Variants in RALYL observed in about 807,000 individuals in gnomAD.
RALYL encodes RNA-binding Raly-like protein.
A neutral mutation model predicts 35.1 loss-of-function variants in RALYL; 29 were observed. That is an observed-to-expected ratio of 0.83 (90% confidence interval 0.61 to 1.13). The LOEUF is 1.13. Among genes scored for constraint, RALYL ranks in the 50% most tolerant of loss-of-function variants. The probability of loss-of-function intolerance (pLI) is 0.00; values close to 1 mark genes in which losing one functional copy is unlikely to be tolerated. For missense variants in RALYL, 359 were observed against 360.4 expected (o/e 1.00, Z 0.03); for synonymous variants, 120 against 127.6 (o/e 0.94, Z 0.40).
intron 2 of RALYL, among the ~76,000 whole-genome samples, chr8:84,686,314 G>A (rs1836766165): frequency 6.6e-6 from 1 of 152,158 alleles, no homozygotes; most frequent in Non-Finnish European, 1.5e-5. Flanking sequence ...GAAACAACAT[G>A]CATAGAGGGG....
chr8:84,911,628 C>G (rs1847528492), intron 8 of RALYL, among the ~76,000 whole-genome samples: 1 of 152,046 alleles, frequency 6.6e-6, no homozygotes, highest in Non-Finnish European at 1.5e-5. Flanking sequence ...CTGGAGATAG[C>G]ATCCGAACCC....
intron 2 of RALYL, among the ~76,000 whole-genome samples, chr8:84,551,220 T>G (rs573967878): frequency 6.6e-6 from 1 of 152,242 alleles, no homozygotes; most frequent in East Asian, 1.9e-4. Context: ...CTGGAATCAG[T>G]CTTTTAAAGT....
intron 2 of RALYL, among the ~76,000 whole-genome samples, chr8:84,637,155 T>C (rs562308275): frequency 9.9e-5 from 15 of 152,072 alleles, no homozygotes; most frequent in Admixed American, 2.0e-4. Context: ...GATTCTAGCA[T>C]GTGAGAGAGA....
intron 1 of RALYL, among the ~76,000 whole-genome samples, chr8:84,517,848 C>G (rs1380864066): frequency 1.3e-5 from 2 of 152,094 alleles, no homozygotes; most frequent in African/African-American, 4.8e-5. Flanking sequence ...CTTAGTGCAT[C>G]TCATTTAAAT....
intron 1 of RALYL, among the ~76,000 whole-genome samples, chr8:84,221,877 T>C (rs972468779): frequency 1.5e-4 from 23 of 152,266 alleles, no homozygotes; most frequent in African/African-American, 5.3e-4. Context: ...TAGAGTCTGC[T>C]AGTCTAATTT....
intron 6 of RALYL, among the ~76,000 whole-genome samples, chr8:84,867,102 G>A (rs1010068413): frequency 2.0e-5 from 3 of 152,136 alleles, no homozygotes; most frequent in Non-Finnish European, 2.9e-5. Context: ...AAGGATCTGT[G>A]TCAGTCCTCT....
chr8:84,326,306 G>GTC (rs145666403), intron 1 of RALYL, among the ~76,000 whole-genome samples: 3,086 of 152,156 alleles, frequency 0.02, 111 homozygotes, highest in African/African-American at 0.07. Flanking sequence ...TAGATAATAT[G>GTC]TCTCTTATGG....
At chr8:84,902,049 T>C (rs562748724) in intron 8 of RALYL, among the ~76,000 whole-genome samples, 1 of 152,256 alleles carries the variant, frequency 6.6e-6, no homozygotes, top group Non-Finnish European at 1.5e-5. Flanking sequence ...ATCCAGAGGT[T>C]ATTTGACTCA....
chr8:84,670,538 G>A (rs1245367689), intron 2 of RALYL, among the ~76,000 whole-genome samples: 1 of 152,188 alleles, frequency 6.6e-6, no homozygotes, highest in Non-Finnish European at 1.5e-5. Context: ...AGAAAAAGAG[G>A]TTTAATGGAC....
At chr8:84,539,057 A>C (rs2059813312) in intron 2 of RALYL, among the ~76,000 whole-genome samples, 1 of 152,198 alleles carries the variant, frequency 6.6e-6, no homozygotes, top group Admixed American at 6.5e-5. Flanking sequence ...CAAAACACAG[A>C]ATTGAAATAT....
At chr8:84,330,051 G>T (rs1846529354) in intron 1 of RALYL, among the ~76,000 whole-genome samples, 1 of 151,598 alleles carries the variant, frequency 6.6e-6, no homozygotes, top group African/African-American at 2.4e-5. Flanking sequence ...ATAAAAATGT[G>T]TATCTCAATT....
At chr8:84,324,568 T>G (rs185497889) in intron 1 of RALYL, among the ~76,000 whole-genome samples, 212 of 152,150 alleles carry the variant, frequency 1.4e-3, no homozygotes, top group African/African-American at 4.7e-3. Flanking sequence ...AGTTCCCTGT[T>G]TATATTTTTT....
At chr8:84,187,868 C>T (rs920756816) in intron 1 of RALYL, among the ~76,000 whole-genome samples, 1 of 151,896 alleles carries the variant, frequency 6.6e-6, no homozygotes, top group African/African-American at 2.4e-5. Context: ...AAAGTGTGGT[C>T]ATGTTTTGTT....
chr8:84,556,870 C>G (rs1588161303), intron 2 of RALYL, among the ~76,000 whole-genome samples: 1 of 152,194 alleles, frequency 6.6e-6, no homozygotes, highest in East Asian at 1.9e-4. Context: ...CGACCAAAGC[C>G]TGAAACAGAG....
At chr8:84,656,493 A>G (rs1011778999) in intron 2 of RALYL, among the ~76,000 whole-genome samples, 1 of 152,172 alleles carries the variant, frequency 6.6e-6, no homozygotes, top group Non-Finnish European at 1.5e-5. Context: ...TTCACACCTT[A>G]TGAGATGAGA....
intron 1 of RALYL, among the ~76,000 whole-genome samples, chr8:84,452,233 CT>C (rs35835472): frequency 1.1e-3 from 162 of 144,146 alleles, no homozygotes; most frequent in Admixed American, 1.3e-3. Context: ...GTTGATACTA[CT>C]TTTTTTTTTT....
At chr8:84,712,089 C>A (rs1842283123) in intron 2 of RALYL, among the ~76,000 whole-genome samples, 1 of 152,062 alleles carries the variant, frequency 6.6e-6, no homozygotes, top group East Asian at 1.9e-4. Flanking sequence ...TCTTTGATTT[C>A]TCTATTATTG....
intron 8 of RALYL, among the ~76,000 whole-genome samples, chr8:84,900,687 A>C (rs537884315): frequency 4.6e-5 from 7 of 152,308 alleles, no homozygotes; most frequent in Admixed American, 2.6e-4. Flanking sequence ...CTTAAAAAAA[A>C]AAAAATTCTC....
chr8:84,467,574 A>G (rs1430130136), intron 1 of RALYL, among the ~76,000 whole-genome samples: 18 of 150,014 alleles, frequency 1.2e-4, no homozygotes, highest in African/African-American at 4.4e-4. Context: ...TATGTGGTCA[A>G]TTTTGGAATA....
Sources: gnomAD v4.1 joint callset for allele counts (sites outside exome capture counted in the v4.1 genomes callset) on GRCh38, gnomAD v4.1.1 for gene constraint, MANE v1.5 for transcripts, NCBI Gene and HGNC (gene_info 2026-07-23, HGNC 2026-07-21) for gene names.